The following SLC38A10 variants were observed in gnomAD, a reference collection of about 807,000 sequenced individuals.
The protein encoded by SLC38A10 is Sodium-coupled neutral amino acid transporter 10.
SLC38A10 carries 53 observed loss-of-function variants against 81.0 expected under a neutral mutation model. The ratio of observed to expected loss-of-function variants is 0.65; its 90% CI spans 0.53 to 0.82. The LOEUF (loss-of-function observed/expected upper bound fraction) is 0.82, where lower values mean the gene tolerates loss of function less well. SLC38A10 is among the 40% of genes least tolerant of loss of function. The pLI is 0.00. For synonymous variants in SLC38A10, 665 were observed against 655.3 expected (o/e 1.01, Z -0.23); for missense variants, 1,471 against 1,545.0 (o/e 0.95, Z 0.80).
chr17:81,266,460 A>G (rs2063070896), intron 10 of SLC38A10, among the ~76,000 whole-genome samples: 1 of 152,100 alleles, frequency 6.6e-6, no homozygotes, highest in Non-Finnish European at 1.5e-5. Flanking sequence ...TCTACTAAAA[A>G]TACAAAAAAT....
intron 11 of SLC38A10, among the ~76,000 whole-genome samples, chr17:81,254,458 T>A (rs2062954251): frequency 6.6e-6 from 1 of 152,078 alleles, no homozygotes; most frequent in African/African-American, 2.4e-5. Context: ...CAAATTCAAC[T>A]TTTTTTTAAG....
Position 81,288,265 on chromosome 17 carries a change from C to T in SLC38A10, c.217+1426G>A, listed in dbSNP as rs987074417. Among the ~76,000 whole-genome samples the T allele has an allele frequency of 2.0e-5, 3 of 152,206 alleles. No individual in the cohort carries two copies. The highest frequency in any genetic ancestry group is 4.8e-5 in the African/African-American group (2 of 41,446). On this transcript the variant is annotated intron_variant, in intron 2 of 15. Coordinates refer to ENST00000374759, the MANE Select transcript of SLC38A10 (RefSeq NM_001037984.3). This position sits in a 1 kb window ranked among gnomAD's most constrained non-coding sequence, Gnocchi z 5.4. ...TTTATTTTGTTTGGCCCCCTGGACC[C>T]CTAAACACCATTTCCTCTCCCGCCA...
chr17:81,280,795 C>T (rs1464979218), intron 5 of SLC38A10, 62 bp from the exon 6 acceptor site: 16 of 1,544,690 alleles, frequency 1.0e-5, no homozygotes, highest in African/African-American at 4.1e-5. Flanking sequence ...CTCAGCATCC[C>T]GGCCCACGCG....
chr17:81,260,113 C>T, intron 11 of SLC38A10, 125 bp downstream of exon 11: 1 of 1,261,686 alleles, frequency 7.9e-7, no homozygotes, highest in Non-Finnish European at 1.1e-6. Flanking sequence ...GTGGCCCCAC[C>T]CTGCTGGCTG....
At chr17:81,246,823 A>C in intron 15 of SLC38A10, 62 bp downstream of exon 15, 1 of 1,526,482 alleles carries the variant, frequency 6.6e-7, no homozygotes, top group Middle Eastern at 1.9e-4. Context: ...ACCCAGCCGC[A>C]TGAGGACAGC....
In SLC38A10 at chr17:81,289,594, A is replaced by C; in HGVS notation, c.217+97T>G. On this transcript the variant is annotated intron_variant, in intron 2 of 15. Transcript: ENST00000374759. The surrounding 1 kb of genome is among the most constrained non-coding windows in gnomAD (Gnocchi z 5.9). Reference sequence around the variant, plus strand: ...TAAAAAAAACCCTGCTATCCAAGGAATTCTTGAAGAATCAAGTAGAGTAAA... The same window carrying C: ...TAAAAAAAACCCTGCTATCCAAGGACTTCTTGAAGAATCAAGTAGAGTAAA... 1.2e-6 allele frequency: 1 copy of C among 835,958 alleles called. No homozygotes were observed. Among genetic ancestry groups the C allele is most frequent in the Non-Finnish European group, 1.7e-6 (1 of 588,084 alleles). 51.8% of individuals were successfully genotyped at this position (835,958 alleles called of 1,614,324 possible). A position where few individuals can be genotyped will look rare whatever the true frequency, so the allele number is the denominator to read the frequency against.
At chr17:81,247,816 G>A (rs1225175019) in intron 14 of SLC38A10, among the ~76,000 whole-genome samples, 14 of 151,836 alleles carry the variant, frequency 9.2e-5, no homozygotes. Flanking sequence ...ACTCCAGCCT[G>A]GGCAACAGAG....
At position 81,245,970 on chromosome 17, in the gene SLC38A10, G is replaced by A. The variant is rs2062845861; in HGVS notation, c.2946C>T (p.His982=). The A allele has an allele frequency of 8.1e-6, 13 of 1,604,220 alleles. No individual in the cohort carries two copies. In the Admixed American group the frequency reaches 2.2e-4, roughly 27 times the overall value. The part of the protein sequence containing the change: ...QQGHRLDHGG[H]LEMRKARGGD... ...CCCCGCGGGCCTTTCTCATCTCCAGGTGACCGCCATGGTCCAGCCGGTGGC... is the reference window on the plus strand; with the variant it reads ...CCCCGCGGGCCTTTCTCATCTCCAGATGACCGCCATGGTCCAGCCGGTGGC... Residue 982 remains histidine (H), a synonymous_variant, in exon 16 of 16, where the codon CAC becomes CAT. Transcript: ENST00000374759.
At chr17:81,272,194 T>G (rs1238093953) in intron 9 of SLC38A10, among the ~76,000 whole-genome samples, 3 of 152,144 alleles carry the variant, frequency 2.0e-5, no homozygotes, top group Admixed American at 6.5e-5. Flanking sequence ...CATGACGCCC[T>G]GCTAATTTTG....
chr17:81,249,255 A>G lies in SLC38A10; in HGVS notation c.2066-2194T>C, dbSNP rs868020740. On this transcript the variant is annotated intron_variant, in intron 14 of 15. Transcript: ENST00000374759. ...GAGGAGGGAGAAGGAAGGTGGGGGA[A>G]GAGGAGGAGGGAGGAGGAGGAAGGA... Among the ~76,000 whole-genome samples, 3 of 8,656 alleles carry G rather than the reference A, an allele frequency of 3.5e-4. 1 individual carries two copies. Among genetic ancestry groups the G allele is most frequent in the Non-Finnish European group, 1.9e-4 (1 of 5,400 alleles). 5.7% of individuals were successfully genotyped at this position (8,656 alleles called of 152,430 possible). A position where few individuals can be genotyped will look rare whatever the true frequency, so the allele number is the denominator to read the frequency against.
chr17:81,253,270 A>G lies in SLC38A10; in HGVS notation c.1289-30T>C. ...GAGCAGGGCACAGTTAGGGAACTGCACTGCCAAGCAGCTCCAGGAGCGGGG... is the reference window on the plus strand; with the variant it reads ...GAGCAGGGCACAGTTAGGGAACTGCGCTGCCAAGCAGCTCCAGGAGCGGGG... On this transcript the variant is annotated intron_variant, in intron 11 of 15. Transcript: ENST00000374759. The surrounding 1 kb of genome is among the most constrained non-coding windows in gnomAD (Gnocchi z 4.1). 6.2e-7 allele frequency: 1 copy of G among 1,607,392 alleles called. No homozygotes were observed. Among genetic ancestry groups the G allele is most frequent in the Non-Finnish European group, 8.5e-7 (1 of 1,175,402 alleles).
rs200362167 is a variant in SLC38A10, at chr17:81,283,437, T to C, written c.329A>G (p.Asn110Ser). The change falls in exon 4 of 16, where the codon AAC becomes AGC. Residue 110 changes from asparagine to serine, a missense_variant. Around this residue, in one of 2 missense-constraint regions of SLC38A10, gnomAD observed 720 missense variants for 827.7 expected, o/e 0.87. Coordinates refer to ENST00000374759, the MANE Select transcript of SLC38A10 (RefSeq NM_001037984.3). The surrounding 1 kb of genome is among the most constrained non-coding windows in gnomAD (Gnocchi z 4.7). ...FYVVIGDLGS[N>S]FFARLFGFQV... Reference sequence around the variant, plus strand: ...AAACCCGAACAGCCGGGCAAAGAAGTTGGACCCCAAGTCGCCGATCACGAC... The same window carrying C: ...AAACCCGAACAGCCGGGCAAAGAAGCTGGACCCCAAGTCGCCGATCACGAC... 11 of 1,612,228 alleles carry C rather than the reference T, an allele frequency of 6.8e-6. No homozygotes were observed. The East Asian group carries it at 2.0e-4, about 29-fold the overall frequency.
intron 6 of SLC38A10, among the ~76,000 whole-genome samples, chr17:81,278,936 G>A (rs1033190174): frequency 6.6e-6 from 1 of 152,304 alleles, no homozygotes; most frequent in Admixed American, 6.5e-5. Flanking sequence ...AGGGACCCCC[G>A]GGATCATCCC....
chr17:81,259,804 G>A (rs1440103603), intron 11 of SLC38A10, among the ~76,000 whole-genome samples: 1 of 152,180 alleles, frequency 6.6e-6, no homozygotes. Flanking sequence ...CTCCACCCAC[G>A]GTCCTGGTGA....
Position 81,286,609 on chromosome 17 carries a change from C to T in SLC38A10, c.218-1714G>A, listed in dbSNP as rs545259623. 6.6e-6 allele frequency among the ~76,000 whole-genome samples: 1 copy of T among 152,276 alleles called. No individual in the cohort carries two copies. Among genetic ancestry groups the T allele is most frequent in the East Asian group, 1.9e-4 (1 of 5,180 alleles). On this transcript the variant is annotated intron_variant, in intron 2 of 15. Transcript: ENST00000374759. This position sits in a 1 kb window ranked among gnomAD's most constrained non-coding sequence, Gnocchi z 6.0. ...AGCAAGGTCCCGGGGACCCAGCCCT[C>T]CCCCGAGTGTGGACTCCCAGTGCGG...
chr17:81,283,368 G>C lies in SLC38A10; in HGVS notation c.357+41C>G. ...TCCCACAGAGGGCCTCAGAGCAGCC[G>C]TCAGCATCTGAACAACCCAGAACCC... is the stretch of plus-strand genomic sequence containing the variant. On this transcript the variant is annotated intron_variant, in intron 4 of 15. Transcript: ENST00000374759. The surrounding 1 kb of genome is among the most constrained non-coding windows in gnomAD (Gnocchi z 4.7). The C allele has an allele frequency of 6.4e-7, 1 of 1,569,806 alleles. No homozygotes were observed. The highest frequency in any genetic ancestry group is 8.7e-7 in the Non-Finnish European group (1 of 1,146,690).
rs1255188858 is a variant in SLC38A10 at position 81,246,608 on chromosome 17, T to C, written c.2308A>G (p.Arg770Gly). 2.0e-6 allele frequency: 3 copies of C among 1,515,894 alleles called. No homozygotes were observed. Among genetic ancestry groups the C allele is most frequent in the Non-Finnish European group, 2.6e-6 (3 of 1,134,496 alleles). The allele number at this position is 1,515,894 out of a possible 1,614,324, so 93.9% of individuals were successfully genotyped here. Residue 770 changes from arginine (R) to glycine (G), a missense_variant, in exon 16 of 16, where the codon AGG becomes GGG. Physicochemically the swap from Arg to Gly is moderately radical, Grantham distance 125. This residue lies in a region of SLC38A10 where 751 missense variants were observed against 717.4 expected (regional missense o/e 1.05). Transcript: ENST00000374759. The stretch of plus-strand genomic sequence containing the variant: ...GGAGGCAGATTCTCCACCGTCTCCC[T>C]GGCCTTGCCTTCAGGGGCCTCCTGG... Reference protein sequence around the residue: ...RGQEAPEGKARETVENLPPLP... With the variant: ...RGQEAPEGKAGETVENLPPLP...
Position 81,281,236 on chromosome 17 carries a change from A to G in SLC38A10, c.502-503T>C, listed in dbSNP as rs916556754. ...GAGGAGCACTGGAGACCCTGGCTTC[A>G]ATGACCACCTGGCCTCGTCCTGGTG... On this transcript the variant is annotated intron_variant, in intron 5 of 15. Coordinates refer to ENST00000374759, the MANE Select transcript of SLC38A10 (RefSeq NM_001037984.3). The surrounding 1 kb of genome is among the most constrained non-coding windows in gnomAD (Gnocchi z 5.3). Among the ~76,000 whole-genome samples, 3 of 152,178 alleles carry G rather than the reference A, an allele frequency of 2.0e-5. No homozygotes were observed. Among genetic ancestry groups the G allele is most frequent in the South Asian group, 2.1e-4 (1 of 4,830 alleles).
intron 3 of SLC38A10, among the ~76,000 whole-genome samples, chr17:81,284,307 A>C (rs1036787209): frequency 6.6e-6 from 1 of 152,134 alleles, no homozygotes; most frequent in African/African-American, 2.4e-5. Context: ...AGCCGAGATC[A>C]CAGCATTGCA....
Sources: allele counts gnomAD v4.1 joint callset (sites outside exome capture counted in the v4.1 genomes callset), GRCh38; gene constraint gnomAD v4.1.1; regional missense constraint gnomAD v4.1.1; non-coding constraint Gnocchi (gnomAD v3.1); transcripts MANE v1.5; gene names NCBI Gene and HGNC (gene_info 2026-07-23, HGNC 2026-07-21).